The following GMPR variants were observed in gnomAD, a reference collection of about 807,000 sequenced individuals.
GMPR encodes guanosine monophosphate reductase, also known as GMP reductase 1.
GMPR carries 31 observed loss-of-function variants against 38.4 expected under a neutral mutation model. The ratio of observed to expected loss-of-function variants is 0.81; its 90% CI spans 0.61 to 1.09. The LOEUF is 1.09. Among genes scored for constraint, GMPR ranks in the 50% least tolerant of loss-of-function variants. The pLI is 0.00. For synonymous variants in GMPR, 162 were observed against 173.3 expected, an observed-to-expected ratio of 0.93 and a Z score of 0.51; for missense variants, 468 against 453.7, an observed-to-expected ratio of 1.03 and a Z score of -0.29.
rs1383496845 is a variant in GMPR at position 16,250,498 on chromosome 6, G to A, written c.291+131G>A. 4.5e-6 allele frequency: 3 copies of A among 666,582 alleles called. No individual in the cohort carries two copies. In the African/African-American group the frequency reaches 5.4e-5, roughly 12 times the overall value. The allele number at this position is 666,582 out of a possible 1,614,324, so 41.3% of individuals were successfully genotyped here. On this transcript the variant is annotated intron_variant, in intron 3 of 8. Coordinates refer to ENST00000259727, the MANE Select transcript of GMPR (RefSeq NM_006877.4). Reference sequence around the variant, plus strand: ...GGTGTTTCTCTAGCCCTGTGCCATTGCCAGGGATTTGCTGAGAAAACTTGT... The same window carrying A: ...GGTGTTTCTCTAGCCCTGTGCCATTACCAGGGATTTGCTGAGAAAACTTGT...
intron 7 of GMPR, chr6:16,289,604 T>G (rs149961401): frequency 6.4e-4 from 97 of 152,282 alleles, no homozygotes; most frequent in African/African-American, 2.1e-3. Context: ...TCTGGAAATC[T>G]AATGTGCAGC....
intron 8 of GMPR, 27 bp downstream of exon 8, chr6:16,290,648 C>G: frequency 6.2e-7 from 1 of 1,602,366 alleles, no homozygotes; most frequent in Non-Finnish European, 8.5e-7. Flanking sequence ...GGGGCGCACC[C>G]TCGAGGCCTG....
chr6:16,258,177 G>A (rs938816827), intron 4 of GMPR: 1 of 152,264 alleles, frequency 6.6e-6, no homozygotes. Context: ...GGAGAAGAAA[G>A]ATGGAGGGTA....
intron 7 of GMPR, among the ~76,000 whole-genome samples, chr6:16,286,830 C>T (rs368368498): frequency 1.3e-4 from 20 of 152,068 alleles, no homozygotes; most frequent in Middle Eastern, 3.4e-3. Context: ...CGCTTGAACC[C>T]GGGAGCCAGA....
In GMPR at chr6:16,290,538, G is replaced by T. The variant is rs1009620802; in HGVS notation, c.774G>T (p.Arg258Ser). The T allele has an allele frequency of 1.9e-6, 3 of 1,613,864 alleles. No individual in the cohort carries two copies. Among genetic ancestry groups the T allele is most frequent in the Non-Finnish European group, 2.5e-6 (3 of 1,179,866 alleles). ...HTECAGEVFE[R>S]NGRKLKLFYG... The stretch of plus-strand genomic sequence containing the variant: ...AGTGTGCTGGAGAAGTGTTTGAGAG[G>T]AACGGACGGAAGCTCAAGCTCTTCT... Residue 258 changes from arginine to serine, a missense_variant, in exon 8 of 9, where the codon AGG becomes AGT. Arg to Ser is a moderately radical substitution (Grantham distance 110). Transcript: ENST00000259727.
chr6:16,242,159 G>A (rs368882549), intron 1 of GMPR, among the ~76,000 whole-genome samples: 12 of 152,202 alleles, frequency 7.9e-5, no homozygotes, highest in African/African-American at 2.7e-4. Flanking sequence ...AGACACAACA[G>A]ATGTTCAGTC....
chr6:16,265,933 G>GT (rs1561826645), intron 4 of GMPR, among the ~76,000 whole-genome samples: 1 of 152,162 alleles, frequency 6.6e-6, no homozygotes, highest in African/African-American at 2.4e-5. Context: ...TGAAGTCAGT[G>GT]AGACCACGAA....
chr6:16,279,216 C>T (rs902762155), intron 6 of GMPR, among the ~76,000 whole-genome samples: 10 of 152,176 alleles, frequency 6.6e-5, no homozygotes, highest in African/African-American at 2.4e-4. Context: ...GCTTCAATTT[C>T]AGTGTCTCAC....
chr6:16,261,645 T>C (rs1759087837), intron 4 of GMPR, among the ~76,000 whole-genome samples: 1 of 151,974 alleles, frequency 6.6e-6, no homozygotes, highest in African/African-American at 2.4e-5. Context: ...GGGGGAATTA[T>C]AAGGAGAGTT....
At chr6:16,260,574 T>C (rs938099082) in intron 4 of GMPR, among the ~76,000 whole-genome samples, 8 of 151,968 alleles carry the variant, frequency 5.3e-5, no homozygotes, top group African/African-American at 1.9e-4. Flanking sequence ...TGAATAATCC[T>C]TGAGGAGTAG....
chr6:16,244,474 G>A (rs1206775764), intron 1 of GMPR, among the ~76,000 whole-genome samples: 3 of 152,014 alleles, frequency 2.0e-5, no homozygotes, highest in Non-Finnish European at 2.9e-5. Flanking sequence ...AGCCTCCCAC[G>A]GTACTGGGAT....
chr6:16,252,420 T>C (rs1260115770), intron 3 of GMPR, among the ~76,000 whole-genome samples: 1 of 152,128 alleles, frequency 6.6e-6, no homozygotes, highest in East Asian at 1.9e-4. Flanking sequence ...ACACCTAGCC[T>C]GGCTAAATTT....
chr6:16,246,785 C>T (rs1758765794), intron 1 of GMPR, 57 bp from the exon 2 acceptor site: 3 of 1,562,786 alleles, frequency 1.9e-6, no homozygotes, highest in Admixed American at 3.5e-5. Context: ...GCACATTTCA[C>T]ATAAGAGCAA....
chr6:16,269,237 T>C (rs1008198777), intron 4 of GMPR, among the ~76,000 whole-genome samples: 1 of 152,026 alleles, frequency 6.6e-6, no homozygotes, highest in Admixed American at 6.6e-5. Flanking sequence ...TAAAAGTGGG[T>C]ACATCCACCC....
At chr6:16,293,838 C>T (rs1416510095) in intron 8 of GMPR, among the ~76,000 whole-genome samples, 2 of 152,204 alleles carry the variant, frequency 1.3e-5, no homozygotes, top group Non-Finnish European at 2.9e-5. Flanking sequence ...AGAACAGCTA[C>T]AGAAAGTTCC....
chr6:16,278,766 ACTT>A lies in GMPR; in HGVS notation c.548-14_548-12del, dbSNP rs1163565647. On this transcript the variant is annotated splice_polypyrimidine_tract_variant and intron_variant, in intron 5 of 8. Transcript: ENST00000259727. ...ATGTATAACCATCTATTTGGGGACA[ACTT>A]CTTTCTCTGTGCAGGTTCTGTGTGC... 1.3e-6 allele frequency: 2 copies of A among 1,567,124 alleles called. No individual in the cohort carries two copies. Among genetic ancestry groups the A allele is most frequent in the African/African-American group, 2.7e-5 (2 of 74,044 alleles).
In GMPR at chr6:16,278,747, A is replaced by G. The variant is rs770933871; in HGVS notation, c.548-37A>G. The G allele has an allele frequency of 4.4e-6, 6 of 1,364,396 alleles. No individual in the cohort carries two copies. In the East Asian group the frequency reaches 1.4e-4, roughly 31 times the overall value. The allele number at this position is 1,364,396 out of a possible 1,614,324, so 84.5% of individuals were successfully genotyped here. Reference sequence around the variant, plus strand: ...TTCATGTCACAGTCTTCTCATGTATAACCATCTATTTGGGGACAACTTCTT... The same window carrying G: ...TTCATGTCACAGTCTTCTCATGTATGACCATCTATTTGGGGACAACTTCTT... On this transcript the variant is annotated intron_variant, in intron 5 of 8. Coordinates refer to ENST00000259727, the MANE Select transcript of GMPR (RefSeq NM_006877.4).
At chr6:16,266,361 C>T (rs1028478693) in intron 4 of GMPR, among the ~76,000 whole-genome samples, 2 of 149,928 alleles carry the variant, frequency 1.3e-5, no homozygotes, top group African/African-American at 4.9e-5. Flanking sequence ...AGCTGTAACA[C>T]TCACTGTGAA....
In GMPR at chr6:16,278,906, G is replaced by T; in HGVS notation, c.654+16G>T. 6.5e-7 allele frequency: 1 copy of T among 1,535,900 alleles called. No homozygotes were observed. Among genetic ancestry groups the T allele is most frequent in the Non-Finnish European group, 9.0e-7 (1 of 1,112,178 alleles). On this transcript the variant is annotated intron_variant, in intron 6 of 8. Coordinates refer to ENST00000259727, the MANE Select transcript of GMPR (RefSeq NM_006877.4). The stretch of plus-strand genomic sequence containing the variant: ...CATCATCTCTGTGAGTCTCCACCCG[G>T]GGCTGAGGCTGGGGTGTCTTGGGAG...
Sources: allele counts gnomAD v4.1 joint callset (sites outside exome capture counted in the v4.1 genomes callset), GRCh38; gene constraint gnomAD v4.1.1; transcripts MANE v1.5; gene names NCBI Gene and HGNC (gene_info 2026-07-23, HGNC 2026-07-21).